SPOCK1: variants seen among roughly 807,000 people sequenced by gnomAD.
SPOCK1 encodes the protein SPARC (osteonectin), cwcv and kazal like domains proteoglycan 1.
In SPOCK1, 23 loss-of-function variants were observed where a neutral mutation model predicts 55.3. The observed-to-expected ratio is 0.42, with a 90% CI of 0.30 to 0.59. SPOCK1 has a LOEUF of 0.59. Among genes scored for constraint, SPOCK1 ranks in the 20% least tolerant of loss-of-function variants. The pLI is 0.22. For synonymous variants in SPOCK1, 226 were observed against 221.0 expected, an observed-to-expected ratio of 1.02 and a Z score of -0.20; for missense variants, 499 against 552.5, an observed-to-expected ratio of 0.90 and a Z score of 0.97.
At chr5:137,335,703 T>C (rs1208657199) in intron 2 of SPOCK1, among the ~76,000 whole-genome samples, 2 of 152,224 alleles carry the variant, frequency 1.3e-5, no homozygotes, top group Middle Eastern at 3.2e-3. Context: ...CCACTGTATG[T>C]GTCCCCAGAA....
chr5:137,314,684 C>G (rs574843093), intron 2 of SPOCK1, among the ~76,000 whole-genome samples: 1 of 152,156 alleles, frequency 6.6e-6, no homozygotes, highest in Non-Finnish European at 1.5e-5. Context: ...CCTTAGCTAT[C>G]GGTTTACTGC....
At chr5:137,422,712 T>G (rs182370554) in intron 2 of SPOCK1, among the ~76,000 whole-genome samples, 2 of 152,308 alleles carry the variant, frequency 1.3e-5, no homozygotes, top group Admixed American at 6.5e-5. Flanking sequence ...GTTTTTAACT[T>G]CTTTGCCATG....
intron 6 of SPOCK1, among the ~76,000 whole-genome samples, chr5:136,999,738 C>T (rs951022275): frequency 6.6e-6 from 1 of 152,154 alleles, no homozygotes; most frequent in South Asian, 2.1e-4. Context: ...TATAGTGTTA[C>T]TATCTAATAG....
At chr5:137,010,072 TCC>T (rs1044706241) in intron 6 of SPOCK1, among the ~76,000 whole-genome samples, 3 of 152,006 alleles carry the variant, frequency 2.0e-5, no homozygotes, top group Non-Finnish European at 4.4e-5. Context: ...CCTTGGGGTG[TCC>T]CCAGGGCCCT....
At chr5:137,160,311 A>G (rs1561631346) in intron 3 of SPOCK1, among the ~76,000 whole-genome samples, 1 of 136,160 alleles carries the variant, frequency 7.3e-6, no homozygotes, top group African/African-American at 2.7e-5. Context: ...ATGGCTGCAT[A>G]GTATTCCATA....
rs757096278 is a variant in SPOCK1, at chr5:136,979,387, C to T, written c.1074G>A (p.Val358=). 6.2e-7 allele frequency: 1 copy of T among 1,614,134 alleles called. No individual in the cohort carries two copies. Among genetic ancestry groups the T allele is most frequent in the Non-Finnish European group, 8.5e-7 (1 of 1,180,016 alleles). The part of the protein sequence containing the change: ...CHGSTGQCWC[V]DKYGNELAGS... ...CAGCCAACTCATTCCCATATTTGTC[C>T]ACACACCAGCACTGCCCCGTGCTGC... Residue 358 remains valine, a synonymous_variant, in exon 10 of 11, where the codon GTG becomes GTA. Transcript: ENST00000394945.
At chr5:137,008,743 T>G (rs893853891) in intron 6 of SPOCK1, among the ~76,000 whole-genome samples, 1 of 152,104 alleles carries the variant, frequency 6.6e-6, no homozygotes, top group Non-Finnish European at 1.5e-5. Context: ...AACATAATAG[T>G]TGGAGTCAGA....
chr5:137,191,957 G>A (rs761961967), intron 3 of SPOCK1, among the ~76,000 whole-genome samples: 13 of 152,098 alleles, frequency 8.5e-5, no homozygotes, highest in Admixed American at 2.6e-4. Flanking sequence ...CGCAGTGGCC[G>A]GGTGCAGTGG....
At chr5:137,077,252 C>T (rs1045641459) in intron 5 of SPOCK1, among the ~76,000 whole-genome samples, 3 of 152,244 alleles carry the variant, frequency 2.0e-5, no homozygotes, top group Non-Finnish European at 4.4e-5. Context: ...AATTCAACCC[C>T]TTCACTTCTC....
rs1011832476 is a variant in SPOCK1, at chr5:137,266,394, C to T, written c.232+616G>A. Among the ~76,000 whole-genome samples the T allele has an allele frequency of 3.3e-5, 5 of 152,124 alleles. No individual in the cohort carries two copies. The South Asian group carries it at 1.0e-3, about 32-fold the overall frequency. ...CAGGTCCTCACTGTGTCTTAAATAA[C>T]TCACAGGAGGACACTGTTAGTGATT... On this transcript the variant is annotated intron_variant, in intron 3 of 10. Coordinates refer to ENST00000394945, the MANE Select transcript of SPOCK1 (RefSeq NM_004598.4).
chr5:137,459,791 T>C (rs1007262068), intron 2 of SPOCK1, among the ~76,000 whole-genome samples: 20 of 152,120 alleles, frequency 1.3e-4, no homozygotes, highest in African/African-American at 4.6e-4. Context: ...ACAAAGACTG[T>C]AAGCACTAGA....
intron 2 of SPOCK1, among the ~76,000 whole-genome samples, chr5:137,452,915 G>C (rs1223702430): frequency 6.6e-6 from 1 of 152,134 alleles, no homozygotes; most frequent in Non-Finnish European, 1.5e-5. Context: ...CCTGGGTGGA[G>C]AAAAAAGCAC....
chr5:137,127,880 GT>G (rs1156887432), intron 4 of SPOCK1, among the ~76,000 whole-genome samples: 1 of 152,222 alleles, frequency 6.6e-6, no homozygotes. Context: ...TAAAGTTGAT[GT>G]TGGAATGAAT....
At chr5:137,215,220 T>C (rs1251772030) in intron 3 of SPOCK1, among the ~76,000 whole-genome samples, 1 of 152,194 alleles carries the variant, frequency 6.6e-6, no homozygotes. Context: ...AGAAAACAGG[T>C]ATATTCCTTC....
In SPOCK1 at chr5:137,435,232, A is replaced by C. The variant is rs1038121730; in HGVS notation, c.186+63141T>G. On this transcript the variant is annotated intron_variant, in intron 2 of 10. Transcript: ENST00000394945. ...AATAAACTGACTTACATTCACATAG[A>C]TAAACCTATGGTTGCATCTCTAATT... 2.6e-5 allele frequency among the ~76,000 whole-genome samples: 4 copies of C among 152,254 alleles called. No homozygotes were observed. In the South Asian group the frequency reaches 8.3e-4, roughly 31 times the overall value.
At chr5:137,430,411 G>C (rs1752719444) in intron 2 of SPOCK1, among the ~76,000 whole-genome samples, 1 of 152,060 alleles carries the variant, frequency 6.6e-6, no homozygotes, top group African/African-American at 2.4e-5. Flanking sequence ...TCTACCACTG[G>C]CATATTAAAA....
intron 2 of SPOCK1, among the ~76,000 whole-genome samples, chr5:137,448,088 A>G (rs142513234): frequency 0.038 from 5,801 of 152,154 alleles, 298 homozygotes; most frequent in Admixed American, 0.15. Flanking sequence ...TCTCTACTAA[A>G]AATACAAAAA....
intron 2 of SPOCK1, among the ~76,000 whole-genome samples, chr5:137,353,066 C>T (rs532650345): frequency 6.6e-6 from 1 of 152,178 alleles, no homozygotes; most frequent in Non-Finnish European, 1.5e-5. Context: ...GATGAAAAAC[C>T]TTTCAGAACC....
intron 4 of SPOCK1, among the ~76,000 whole-genome samples, chr5:137,116,906 C>T (rs906580126): frequency 1.3e-5 from 2 of 152,156 alleles, no homozygotes; most frequent in African/African-American, 4.8e-5. Context: ...CCACCTTTCT[C>T]TGTGGCCTGG....
Sources: gnomAD v4.1 joint callset for allele counts (sites outside exome capture counted in the v4.1 genomes callset) on GRCh38, gnomAD v4.1.1 for gene constraint, MANE v1.5 for transcripts, NCBI Gene and HGNC (gene_info 2026-07-23, HGNC 2026-07-21) for gene names.